The following DLC1 variants were observed in gnomAD, a reference collection of about 807,000 sequenced individuals.
The protein encoded by DLC1 is DLC1 Rho GTPase activating protein, also known as rho GTPase-activating protein 7.
In DLC1, 54 loss-of-function variants were observed where a neutral mutation model predicts 140.3. The ratio of observed to expected loss-of-function variants is 0.38; its 90% CI spans 0.31 to 0.48. The LOEUF (loss-of-function observed/expected upper bound fraction) is 0.48, where lower values mean the gene tolerates loss of function less well. Among genes scored for constraint, DLC1 ranks in the 20% least tolerant of loss-of-function variants. The pLI, the probability that DLC1 is intolerant of heterozygous loss-of-function variation, is 0.96. For synonymous variants in DLC1, 986 were observed against 728.1 expected (o/e 1.35, Z -5.70); for missense variants, 2,536 against 1,907.0 (o/e 1.33, Z -6.14).
At chr8:13,269,525 G>C in intron 5 of DLC1, among the ~76,000 whole-genome samples, 1 of 151,914 alleles carries the variant, frequency 6.6e-6, no homozygotes, top group East Asian at 1.9e-4. Context: ...AGACCACCCT[G>C]GGTGACAGAG....
Position 13,377,639 on chromosome 8 carries a change from C to G in DLC1, c.1314+15914G>C, listed in dbSNP as rs145921840. 1.2e-3 allele frequency among the ~76,000 whole-genome samples: 185 copies of G among 152,198 alleles called. 1 individual carries two copies. The highest frequency in any genetic ancestry group is 3.9e-3 in the African/African-American group (164 of 41,528). On this transcript the variant is annotated intron_variant, in intron 4 of 17. Transcript: ENST00000276297. ...TCCTGTGCATTTACTGTGCGATACA[C>G]ATTTTCATAACGTTACAAGCCCTGA...
In DLC1 at chr8:13,496,815, TTTTG is replaced by T. The variant is rs1801534761; in HGVS notation, c.1023+2230_1023+2233del. On this transcript the variant is annotated intron_variant, in intron 2 of 17. Coordinates refer to ENST00000276297, the MANE Select transcript of DLC1 (RefSeq NM_182643.3). ...TTTTTTTTTTTTTTTTTTTTTTTTT[TTTTG>T]AGATGGAGTTTCGCTGTGTCACCCA... 3.7e-3 allele frequency among the ~76,000 whole-genome samples: 49 copies of T among 13,184 alleles called. 5 individuals are homozygous for T. Among genetic ancestry groups the T allele is most frequent in the South Asian group, 0.012 (6 of 506 alleles). The allele number at this position is 13,184 out of a possible 152,430, so 8.6% of individuals were successfully genotyped here.
intron 1 of DLC1, among the ~76,000 whole-genome samples, chr8:13,587,032 G>C (rs912887876): frequency 1.3e-5 from 2 of 149,508 alleles, no homozygotes; most frequent in African/African-American, 4.9e-5. Flanking sequence ...ATATATGTAG[G>C]TAGTGATTCC....
chr8:13,175,348 G>A (rs76945441), intron 5 of DLC1, among the ~76,000 whole-genome samples: 26 of 145,204 alleles, frequency 1.8e-4, no homozygotes, highest in East Asian at 8.0e-4. Context: ...ATTCAGGCTC[G>A]TTTTTGGTTT....
At chr8:13,565,162 G>T (rs1339073468) in intron 1 of DLC1, among the ~76,000 whole-genome samples, 1 of 151,982 alleles carries the variant, frequency 6.6e-6, no homozygotes, top group Non-Finnish European at 1.5e-5. Context: ...AATATTACAA[G>T]GAAATTAATT....
intron 4 of DLC1, 39 bp from the exon 5 acceptor site, chr8:13,305,341 A>G (rs1586102787): frequency 6.5e-7 from 1 of 1,543,118 alleles, no homozygotes; most frequent in South Asian, 1.3e-5. Flanking sequence ...ATTATTAGGA[A>G]GAAACATCAG....
rs564263815 is a variant in DLC1 at position 13,100,025 on chromosome 8, C to A, written c.2312G>T (p.Arg771Leu). 3 of 1,612,920 alleles carry A rather than the reference C, an allele frequency of 1.9e-6. No individual in the cohort carries two copies. The highest frequency in any genetic ancestry group is 2.7e-5 in the African/African-American group (2 of 75,052). The change falls in exon 9 of 18, where the codon CGG becomes CTG. Residue 771 changes from arginine to leucine, a missense_variant. Physicochemically the swap from Arg to Leu is moderately radical, Grantham distance 102. Transcript: ENST00000276297. ...RTRSLSACNK[R>L]VGMYLEGFDP... ...GAAGCCCTCTAAGTACATGCCCACC[C>A]GCTTGTTGCACGCACTGAGGCTCCG...
intron 5 of DLC1, among the ~76,000 whole-genome samples, chr8:13,135,798 T>A (rs998785818): frequency 5.9e-5 from 9 of 152,226 alleles, no homozygotes; most frequent in Non-Finnish European, 7.3e-5. Flanking sequence ...GCAAAACTTC[T>A]CTTCTTATTC....
At chr8:13,089,478 A>C (rs1269903601) in intron 15 of DLC1, among the ~76,000 whole-genome samples, 1 of 151,818 alleles carries the variant, frequency 6.6e-6, no homozygotes, top group Non-Finnish European at 1.5e-5. Context: ...TACAAAAATT[A>C]GCATGGCGTG....
At chr8:13,418,759 TG>T (rs1180877943) in intron 2 of DLC1, among the ~76,000 whole-genome samples, 23 of 152,136 alleles carry the variant, frequency 1.5e-4, no homozygotes, top group African/African-American at 5.1e-4. Flanking sequence ...AGAAAGTCAT[TG>T]GTAGCTTGAT....
intron 5 of DLC1, among the ~76,000 whole-genome samples, chr8:13,133,944 T>G (rs996328218): frequency 2.6e-5 from 4 of 152,146 alleles, no homozygotes; most frequent in Admixed American, 6.5e-5. Context: ...AAATACTGCC[T>G]TAGAGGAATT....
chr8:13,119,750 A>G (rs896854120), intron 5 of DLC1, among the ~76,000 whole-genome samples: 4 of 152,066 alleles, frequency 2.6e-5, no homozygotes, highest in African/African-American at 9.7e-5. Context: ...CCAGGAGTTC[A>G]AGACCACTCT....
At chr8:13,306,843 G>A (rs1488334583) in intron 4 of DLC1, among the ~76,000 whole-genome samples, 2 of 151,890 alleles carry the variant, frequency 1.3e-5, no homozygotes, top group Non-Finnish European at 2.9e-5. Flanking sequence ...CAGCACTTTG[G>A]GAGGCCGAGG....
At chr8:13,196,478 G>C (rs1017322367) in intron 5 of DLC1, among the ~76,000 whole-genome samples, 1 of 152,154 alleles carries the variant, frequency 6.6e-6, no homozygotes, top group African/African-American at 2.4e-5. Context: ...TTATTTGGGA[G>C]ACAGGAGACT....
At position 13,431,537 on chromosome 8, in the gene DLC1, T is replaced by TCA. The variant is rs551611146; in HGVS notation, c.1024-29920_1024-29919dup. The stretch of plus-strand genomic sequence containing the variant: ...AAAAGAAAAGAATCAAGCATTGATG[T>TCA]CACAACTCTGTCTCTCTTGTCTCTA... On this transcript the variant is annotated intron_variant, in intron 2 of 17. Transcript: ENST00000276297. Among the ~76,000 whole-genome samples, 3 of 143,920 alleles carry TCA rather than the reference T, an allele frequency of 2.1e-5. No individual in the cohort carries two copies. The South Asian group carries it at 7.0e-4, about 34-fold the overall frequency. 94.4% of individuals were successfully genotyped at this position (143,920 alleles called of 152,430 possible).
At chr8:13,587,181 T>G (rs1805352232) in intron 1 of DLC1, among the ~76,000 whole-genome samples, 1 of 151,638 alleles carries the variant, frequency 6.6e-6, no homozygotes, top group African/African-American at 2.4e-5. Flanking sequence ...GCACATTTTA[T>G]TAGAATAGAT....
intron 4 of DLC1, among the ~76,000 whole-genome samples, chr8:13,368,250 T>C (rs1224981070): frequency 6.6e-6 from 1 of 152,220 alleles, no homozygotes; most frequent in East Asian, 1.9e-4. Flanking sequence ...TCAGACACCA[T>C]GTCTTCTATC....
intron 5 of DLC1, among the ~76,000 whole-genome samples, chr8:13,269,889 C>G (rs1008668364): frequency 2.2e-5 from 3 of 139,234 alleles, no homozygotes; most frequent in African/African-American, 7.9e-5. Flanking sequence ...AACCCCGTCT[C>G]TACTAAAAAT....
At chr8:13,424,740 T>G (rs1340223196) in intron 2 of DLC1, among the ~76,000 whole-genome samples, 1 of 151,894 alleles carries the variant, frequency 6.6e-6, no homozygotes, top group Non-Finnish European at 1.5e-5. Flanking sequence ...GCTTGGCTAA[T>G]TTTTTTGTAT....
Sources: gnomAD v4.1 joint callset for allele counts (sites outside exome capture counted in the v4.1 genomes callset) on GRCh38, gnomAD v4.1.1 for gene constraint, MANE v1.5 for transcripts, NCBI Gene and HGNC (gene_info 2026-07-23, HGNC 2026-07-21) for gene names.